Variants in MYO16 observed in about 807,000 individuals in gnomAD.
MYO16 encodes myosin XVI.
MYO16 carries 94 observed loss-of-function variants against 205.3 expected under a neutral mutation model. That is an observed-to-expected ratio of 0.46 (90% CI 0.39 to 0.54). The LOEUF (loss-of-function observed/expected upper bound fraction) is 0.54, where lower values mean the gene tolerates loss of function less well. MYO16 is among the 20% of genes least tolerant of loss of function. MYO16 has a pLI of 0.00. For missense variants in MYO16, 2,315 were observed against 2,387.5 expected (o/e 0.97, Z 0.63); for synonymous variants, 988 against 954.0 (o/e 1.04, Z -0.66).
At chr13:108,991,985 T>G (rs1311275971) in intron 20 of MYO16, among the ~76,000 whole-genome samples, 1 of 152,202 alleles carries the variant, frequency 6.6e-6, no homozygotes, top group Admixed American at 6.6e-5. Context: ...ATAGGTAAAC[T>G]TGCATCATGG....
intron 16 of MYO16, among the ~76,000 whole-genome samples, chr13:108,947,117 G>A (rs1882968314): frequency 6.6e-6 from 1 of 152,226 alleles, no homozygotes; most frequent in Non-Finnish European, 1.5e-5. Flanking sequence ...ACATGGTCAT[G>A]TGTCTGAATC....
At chr13:108,670,677 A>T (rs1254744674) in intron 2 of MYO16, among the ~76,000 whole-genome samples, 1 of 152,230 alleles carries the variant, frequency 6.6e-6, no homozygotes, top group Non-Finnish European at 1.5e-5. Flanking sequence ...TGATTCAAGA[A>T]TTTCAGTAAT....
rs1214303757 is a variant in MYO16, at chr13:109,019,865, T to G, written c.2750T>G (p.Leu917Arg). The change falls in exon 23 of 35, where the codon CTC (leucine) becomes CGC (arginine). Residue 917 changes from leucine (L) to arginine (R), a missense_variant. Leu to Arg is a moderately radical substitution (Grantham distance 102, BLOSUM62 -2). Coordinates refer to ENST00000457511, the MANE Select transcript of MYO16 (RefSeq NM_001198950.3). ...AAGGATGGGAATGGGAATGTTGCCC[T>G]CAAAGACCACGGTACAGCCTTCACC... Reference protein sequence around the residue: ...PMKDGNGNVALKDHGTAFTIM... With the variant: ...PMKDGNGNVARKDHGTAFTIM... 1 of 1,614,132 alleles carries G rather than the reference T, an allele frequency of 6.2e-7. No homozygotes were observed. The highest frequency in any genetic ancestry group is 8.5e-7 in the Non-Finnish European group (1 of 1,180,016).
At chr13:108,619,674 G>A (rs938626180) in intron 1 of MYO16, among the ~76,000 whole-genome samples, 3 of 152,060 alleles carry the variant, frequency 2.0e-5, no homozygotes, top group African/African-American at 7.2e-5. Context: ...GGGACTGATC[G>A]GGAGGCAGTT....
chr13:109,098,741 T>C (rs1888858813), intron 27 of MYO16, among the ~76,000 whole-genome samples: 2 of 152,188 alleles, frequency 1.3e-5, no homozygotes, highest in Non-Finnish European at 2.9e-5. Flanking sequence ...CAAATTTGGC[T>C]TTAGGAAGTG....
Position 109,127,590 on chromosome 13 carries a change from C to G in MYO16, c.4051+40C>G. On this transcript the variant is annotated intron_variant, in intron 31 of 34. Coordinates refer to ENST00000457511, the MANE Select transcript of MYO16 (RefSeq NM_001198950.3). This position sits in a 1 kb window ranked among gnomAD's most constrained non-coding sequence, Gnocchi z 4.2. Reference sequence around the variant, plus strand: ...GGGACCCAGCCTCGTGTTCCGGGCTCGCGCATGCTCTGACTTCGCCTTGGG... The same window carrying G: ...GGGACCCAGCCTCGTGTTCCGGGCTGGCGCATGCTCTGACTTCGCCTTGGG... 1 of 1,591,234 alleles carries G rather than the reference C, an allele frequency of 6.3e-7. No homozygotes were observed. The highest frequency in any genetic ancestry group is 1.1e-5 in the South Asian group (1 of 89,642).
rs572991693 is a variant in MYO16 at position 109,173,953 on chromosome 13, G to GGT, written c.5324-5588_5324-5587insTG. Reference sequence around the variant, plus strand: ...AGGGTTGTCCTTGTTTTGATGGGGGGGGGTACTCTCTGCTGTTTTGGAAAA... The same window carrying GGT: ...AGGGTTGTCCTTGTTTTGATGGGGGGGTGGGTACTCTCTGCTGTTTTGGAAAA... On this transcript the variant is annotated intron_variant, in intron 33 of 34. Coordinates refer to ENST00000457511, the MANE Select transcript of MYO16 (RefSeq NM_001198950.3). Among the ~76,000 whole-genome samples, 27 of 147,734 alleles carry GGT rather than the reference G, an allele frequency of 1.8e-4. No homozygotes were observed. The South Asian group carries it at 3.9e-3, about 22-fold the overall frequency.
chr13:109,191,175 C>T (rs868765431), intron 34 of MYO16, among the ~76,000 whole-genome samples: 4 of 151,930 alleles, frequency 2.6e-5, no homozygotes, highest in Non-Finnish European at 5.9e-5. Context: ...GCCAAGATCG[C>T]GCCACTGCAC....
chr13:108,578,439 G>A, the MYO16 span, among the ~76,000 whole-genome samples: 2 of 152,190 alleles, frequency 1.3e-5, no homozygotes, highest in South Asian at 2.1e-4. Flanking sequence ...TAATGGCAGT[G>A]CCAGATGTCC....
At chr13:108,691,401 TG>T (rs944688139) in intron 2 of MYO16, among the ~76,000 whole-genome samples, 15 of 151,946 alleles carry the variant, frequency 9.9e-5, no homozygotes, top group Admixed American at 4.6e-4. Context: ...GGTGTGTGTC[TG>T]TGTGTGTGTT....
intron 34 of MYO16, among the ~76,000 whole-genome samples, chr13:109,183,578 T>C (rs146446583): frequency 1.3e-5 from 2 of 152,388 alleles, no homozygotes; most frequent in South Asian, 2.1e-4. Context: ...TACCACCTTT[T>C]CTTCATGCCT....
chr13:108,811,796 A>G (rs989188828), intron 7 of MYO16, among the ~76,000 whole-genome samples: 1 of 152,090 alleles, frequency 6.6e-6, no homozygotes, highest in Non-Finnish European at 1.5e-5. Context: ...GCATCTCTAC[A>G]TCTGGGTTAA....
At chr13:108,524,370 TCC>T in the MYO16 span, among the ~76,000 whole-genome samples, 24 of 151,990 alleles carry the variant, frequency 1.6e-4, no homozygotes, top group African/African-American at 5.3e-4. Context: ...CCTGACTCTC[TCC>T]CTCTCTCTTC....
chr13:108,881,631 G>A (rs1177099096), intron 12 of MYO16, among the ~76,000 whole-genome samples: 2 of 152,196 alleles, frequency 1.3e-5, no homozygotes, highest in African/African-American at 2.4e-5. Flanking sequence ...ACCATGGCAC[G>A]AGAACTACGT....
chr13:108,654,853 C>A (rs769473011), intron 1 of MYO16, among the ~76,000 whole-genome samples: 3 of 152,158 alleles, frequency 2.0e-5, no homozygotes, highest in Non-Finnish European at 4.4e-5. Flanking sequence ...TTTGCCCCTA[C>A]ACTAGAGAAT....
chr13:108,563,242 G>A, the MYO16 span, among the ~76,000 whole-genome samples: 2 of 151,730 alleles, frequency 1.3e-5, no homozygotes, highest in African/African-American at 2.4e-5. Context: ...CTATTTATGG[G>A]GTTTTGATAC....
At chr13:109,014,935 C>T (rs1474312567) in intron 22 of MYO16, among the ~76,000 whole-genome samples, 1 of 152,154 alleles carries the variant, frequency 6.6e-6, no homozygotes, top group African/African-American at 2.4e-5. Context: ...TCCTCTTTTC[C>T]TAATTGAATA....
intron 28 of MYO16, among the ~76,000 whole-genome samples, chr13:109,108,411 A>G (rs111336960): frequency 4.4e-4 from 67 of 152,368 alleles, no homozygotes; most frequent in African/African-American, 1.6e-3. Flanking sequence ...TTATGCATGA[A>G]GAGTAATATC....
the MYO16 span, among the ~76,000 whole-genome samples, chr13:108,538,678 C>A: frequency 4.6e-5 from 7 of 152,012 alleles, no homozygotes; most frequent in African/African-American, 1.7e-4. Flanking sequence ...AGTATCCTTG[C>A]CTCCCTCCAA....
Sources: allele counts gnomAD v4.1 joint callset (sites outside exome capture counted in the v4.1 genomes callset), GRCh38; gene constraint gnomAD v4.1.1; non-coding constraint Gnocchi (gnomAD v3.1); transcripts MANE v1.5; gene names NCBI Gene and HGNC (gene_info 2026-07-23, HGNC 2026-07-21).